FIP1L1: variants seen among roughly 807,000 people sequenced by gnomAD.
FIP1L1 encodes factor interacting with PAPOLA and CPSF1.
FIP1L1 carries 21 observed loss-of-function variants against 84.6 expected under a neutral mutation model. That is an observed-to-expected ratio of 0.25 (90% CI 0.18 to 0.36). The LOEUF (loss-of-function observed/expected upper bound fraction) is 0.36, where lower values mean the gene tolerates loss of function less well. Ranked by LOEUF, FIP1L1 falls within the 10% of genes least tolerant of loss-of-function variation. The pLI, the probability that FIP1L1 is intolerant of heterozygous loss-of-function variation, is 1.00. For missense variants in FIP1L1, 526 were observed against 751.1 expected (o/e 0.70, Z 3.50); for synonymous variants, 263 against 242.3 (o/e 1.09, Z -0.80).
chr4:53,420,475 G>A (rs909104324), intron 11 of FIP1L1, among the ~76,000 whole-genome samples: 2 of 148,808 alleles, frequency 1.3e-5, no homozygotes, highest in South Asian at 2.1e-4. Context: ...AGTGAGTGTC[G>A]GATCTCCTCT....
At chr4:53,450,177 T>C (rs1442844247) in intron 15 of FIP1L1, among the ~76,000 whole-genome samples, 1 of 152,164 alleles carries the variant, frequency 6.6e-6, no homozygotes, top group Non-Finnish European at 1.5e-5. Flanking sequence ...AATGTAGTAT[T>C]TTAAGACTAA....
At chr4:53,378,266 T>C in intron 1 of FIP1L1, 1 of 246,384 alleles carries the variant, frequency 4.1e-6, no homozygotes, top group Non-Finnish European at 7.8e-6. Flanking sequence ...GATTCTGAGG[T>C]GGTGGTTTTT....
intron 11 of FIP1L1, among the ~76,000 whole-genome samples, chr4:53,421,199 A>G (rs750774602): frequency 3.9e-5 from 6 of 152,292 alleles, no homozygotes; most frequent in African/African-American, 7.2e-5. Context: ...TGTAGTTACA[A>G]TGGGAGCTGA....
chr4:53,428,765 T>C (rs1358980289), intron 13 of FIP1L1, among the ~76,000 whole-genome samples: 2 of 152,242 alleles, frequency 1.3e-5, no homozygotes, highest in Non-Finnish European at 2.9e-5. Flanking sequence ...CCAAATTTTA[T>C]TTTTATTTGA....
chr4:53,443,770 T>G (rs2150253736), intron 14 of FIP1L1, among the ~76,000 whole-genome samples: 1 of 152,208 alleles, frequency 6.6e-6, no homozygotes, highest in East Asian at 1.9e-4. Context: ...TAGCCTGAAA[T>G]TTTCTATTAC....
chr4:53,452,474 A>G (rs1716683238), intron 15 of FIP1L1, among the ~76,000 whole-genome samples: 1 of 151,994 alleles, frequency 6.6e-6, no homozygotes, highest in East Asian at 1.9e-4. Flanking sequence ...ATGCACCACC[A>G]TGCCCGGCAA....
At chr4:53,448,964 T>G (rs1250723009) in intron 15 of FIP1L1, among the ~76,000 whole-genome samples, 4 of 152,124 alleles carry the variant, frequency 2.6e-5, no homozygotes, top group Admixed American at 1.3e-4. Flanking sequence ...TCAGAAATAG[T>G]TGTTTGGTTG....
Position 53,427,418 on chromosome 4 carries a change from A to T in FIP1L1, c.1018-609A>T, listed in dbSNP as rs1199283540. 3.9e-5 allele frequency among the ~76,000 whole-genome samples: 6 copies of T among 152,176 alleles called. No homozygotes were observed. The East Asian group carries it at 1.2e-3, about 29-fold the overall frequency. On this transcript the variant is annotated intron_variant, in intron 12 of 17. Coordinates refer to ENST00000337488, the MANE Select transcript of FIP1L1 (RefSeq NM_030917.4). ...TGTCCCTTAACCTGTTCACACAAAG[A>T]AGCATTTTGCAAACATTGCTTTATT...
intron 5 of FIP1L1, among the ~76,000 whole-genome samples, chr4:53,388,862 C>T (rs1742608176): frequency 1.3e-5 from 2 of 152,118 alleles, no homozygotes; most frequent in Admixed American, 6.5e-5. Flanking sequence ...ATGAATTATT[C>T]AAATAATTGT....
rs1451569419 is a variant in FIP1L1 at position 53,459,797 on chromosome 4, A to AAAC, written c.*350_*352dup. 4 of 317,120 alleles carry AAAC rather than the reference A, an allele frequency of 1.3e-5. No individual in the cohort carries two copies. In the East Asian group the frequency reaches 2.1e-4, roughly 17 times the overall value. The allele number at this position is 317,120 out of a possible 1,614,324, so 19.6% of individuals were successfully genotyped here. A position where few individuals can be genotyped will look rare whatever the true frequency, so the allele number is the denominator to read the frequency against. On this transcript the variant is annotated 3_prime_UTR_variant, in exon 18 of 18. Transcript: ENST00000337488. ...TTGGGCCACAGTTTTTTTGTTAATC[A>AAAC]AACACCACTCTCTTAAGAGGCTGCA... is the stretch of plus-strand genomic sequence containing the variant.
chr4:53,417,185 A>G (rs1759857575), intron 11 of FIP1L1, among the ~76,000 whole-genome samples: 1 of 152,208 alleles, frequency 6.6e-6, no homozygotes, highest in Admixed American at 6.5e-5. Context: ...GACACATCTC[A>G]GTGCTTTATG....
chr4:53,402,741 A>G (rs1015727297), intron 10 of FIP1L1, among the ~76,000 whole-genome samples: 3 of 152,108 alleles, frequency 2.0e-5, no homozygotes, highest in African/African-American at 7.2e-5. Context: ...TATTTATGGG[A>G]ATGAGTTATT....
intron 13 of FIP1L1, among the ~76,000 whole-genome samples, chr4:53,439,788 A>G (rs531742153): frequency 1.3e-5 from 2 of 152,034 alleles, no homozygotes; most frequent in Non-Finnish European, 2.9e-5. Context: ...ATTGCCTTTC[A>G]TGTATCTCTT....
At chr4:53,446,786 A>C (rs1774363740) in intron 15 of FIP1L1, among the ~76,000 whole-genome samples, 1 of 152,162 alleles carries the variant, frequency 6.6e-6, no homozygotes, top group Non-Finnish European at 1.5e-5. Context: ...TCTTGAGATT[A>C]CCCATTCAGT....
intron 16 of FIP1L1, among the ~76,000 whole-genome samples, chr4:53,455,246 G>T (rs768013185): frequency 1.3e-5 from 2 of 152,112 alleles, no homozygotes; most frequent in Admixed American, 1.3e-4. Flanking sequence ...GTGTTCACTG[G>T]AGTAGCACTT....
intron 15 of FIP1L1, among the ~76,000 whole-genome samples, chr4:53,448,967 TTTGG>T (rs1775327242): frequency 6.6e-6 from 1 of 152,132 alleles, no homozygotes; most frequent in African/African-American, 2.4e-5. Flanking sequence ...GAAATAGTTG[TTTGG>T]TTGGTTATTT....
chr4:53,453,719 C>T (rs1248323594), intron 16 of FIP1L1, among the ~76,000 whole-genome samples: 1 of 152,174 alleles, frequency 6.6e-6, no homozygotes, highest in Non-Finnish European at 1.5e-5. Context: ...CCTGGCCTAG[C>T]CTCTCAAGTA....
intron 15 of FIP1L1, among the ~76,000 whole-genome samples, chr4:53,446,897 G>A (rs1367489291): frequency 6.6e-6 from 1 of 151,856 alleles, no homozygotes; most frequent in African/African-American, 2.4e-5. Flanking sequence ...AGAGTCTCTT[G>A]CCCACTCTTT....
At chr4:53,453,187 T>G (rs754461579) in intron 16 of FIP1L1, 54 bp downstream of exon 16, 1 of 1,592,866 alleles carries the variant, frequency 6.3e-7, no homozygotes, top group Admixed American at 1.7e-5. Flanking sequence ...ACTTACAAAT[T>G]TATTTTCGTT....
Sources: allele counts gnomAD v4.1 joint callset (sites outside exome capture counted in the v4.1 genomes callset), GRCh38; gene constraint gnomAD v4.1.1; transcripts MANE v1.5; gene names NCBI Gene and HGNC (gene_info 2026-07-23, HGNC 2026-07-21).